ITCH: variants seen among roughly 807,000 people sequenced by gnomAD.
The protein encoded by ITCH is itchy E3 ubiquitin protein ligase.
Under a neutral mutation model 126.8 loss-of-function variants are expected in ITCH, and 28 were observed. The observed-to-expected ratio is 0.22, with a 90% CI of 0.16 to 0.30. ITCH has a LOEUF of 0.30. Among genes scored for constraint, ITCH ranks in the 10% least tolerant of loss-of-function variants. ITCH has a pLI of 1.00. For synonymous variants in ITCH, 342 were observed against 340.0 expected (o/e 1.01, Z -0.06); for missense variants, 631 against 1,032.4 (o/e 0.61, Z 5.33).
At chr20:34,393,974 G>T in intron 3 of ITCH, 93 bp downstream of exon 3, 1 of 1,209,142 alleles carries the variant, frequency 8.3e-7, no homozygotes, top group Non-Finnish European at 1.2e-6. Context: ...GCCCATGCCT[G>T]TAATCCCAGC....
chr20:34,458,376 A>G (rs568572874), intron 13 of ITCH, among the ~76,000 whole-genome samples: 1 of 152,310 alleles, frequency 6.6e-6, no homozygotes, highest in Non-Finnish European at 1.5e-5. Context: ...TTTGTTGCCC[A>G]GGCTGTTCTC....
intron 14 of ITCH, 24 bp downstream of exon 14, chr20:34,462,245 TTA>T: frequency 6.2e-7 from 1 of 1,609,832 alleles, no homozygotes; most frequent in Non-Finnish European, 8.5e-7. Flanking sequence ...ACATTGTAGA[TTA>T]AGAGTAAAAT....
At chr20:34,365,440 A>T (rs2037385090) in intron 1 of ITCH, among the ~76,000 whole-genome samples, 1 of 152,136 alleles carries the variant, frequency 6.6e-6, no homozygotes, top group Admixed American at 6.6e-5. Flanking sequence ...TTTGAGACGG[A>T]ATCTAACTTT....
At chr20:34,370,414 CTTTG>C (rs1334308313) in intron 2 of ITCH, among the ~76,000 whole-genome samples, 13 of 152,094 alleles carry the variant, frequency 8.5e-5, no homozygotes, top group African/African-American at 1.4e-4. Flanking sequence ...AATCCCAGCA[CTTTG>C]TTTGGGAGGC....
chr20:34,413,513 A>AT (rs1979353284), intron 5 of ITCH, among the ~76,000 whole-genome samples: 1 of 152,190 alleles, frequency 6.6e-6, no homozygotes, highest in African/African-American at 2.4e-5. Flanking sequence ...TGGAGATACT[A>AT]TTTTACATCA....
chr20:34,477,482 T>C (rs917679658), intron 16 of ITCH, among the ~76,000 whole-genome samples: 2 of 152,180 alleles, frequency 1.3e-5, no homozygotes, highest in Non-Finnish European at 2.9e-5. Context: ...TAAGCCGAGA[T>C]TGTGCCATTG....
chr20:34,379,286 A>G (rs562632366), intron 2 of ITCH, among the ~76,000 whole-genome samples: 3 of 152,320 alleles, frequency 2.0e-5, no homozygotes, highest in Admixed American at 1.3e-4. Flanking sequence ...AGGGACAAAG[A>G]AAATTAGGAA....
At chr20:34,463,472 T>C (rs1161962316) in intron 14 of ITCH, among the ~76,000 whole-genome samples, 2 of 152,336 alleles carry the variant, frequency 1.3e-5, no homozygotes, top group East Asian at 1.9e-4. Flanking sequence ...TTTGTATCTA[T>C]TGCTGGATTA....
At position 34,465,622 on chromosome 20, in the gene ITCH, C is replaced by T. The variant is rs183673084; in HGVS notation, c.1424+3401C>T. On this transcript the variant is annotated intron_variant, in intron 14 of 24. Transcript: ENST00000374864. ...GTTTTGTGGTTTTCAGTGTACGAGT[C>T]TTTTGCCTTCTTGATTAATTCCTAA... Among the ~76,000 whole-genome samples, 9 of 152,084 alleles carry T rather than the reference C, an allele frequency of 5.9e-5. No individual in the cohort carries two copies. In the East Asian group the frequency reaches 1.7e-3, roughly 29 times the overall value.
chr20:34,376,551 T>C (rs568050483), intron 2 of ITCH, among the ~76,000 whole-genome samples: 6 of 152,088 alleles, frequency 3.9e-5, no homozygotes, highest in Non-Finnish European at 7.4e-5. Context: ...TTAAGGCAGA[T>C]AGAAGGAGGG....
At chr20:34,497,007 T>C (rs1367632942) in intron 23 of ITCH, among the ~76,000 whole-genome samples, 1 of 151,718 alleles carries the variant, frequency 6.6e-6, no homozygotes, top group Non-Finnish European at 1.5e-5. Flanking sequence ...TGATTGTTCT[T>C]TTTTTTTGAG....
At chr20:34,405,270 C>G (rs930357761) in intron 3 of ITCH, among the ~76,000 whole-genome samples, 8 of 152,088 alleles carry the variant, frequency 5.3e-5, no homozygotes, top group African/African-American at 1.9e-4. Context: ...TTTGAGGGGC[C>G]GAGGCAAGTG....
chr20:34,364,646 C>T (rs912355432), intron 1 of ITCH, among the ~76,000 whole-genome samples: 5 of 145,220 alleles, frequency 3.4e-5, no homozygotes, highest in African/African-American at 7.8e-5. Flanking sequence ...TTTGGGAGGC[C>T]GAGGCGGGCA....
chr20:34,492,690 C>A (rs1054836065), intron 23 of ITCH, 93 bp downstream of exon 23: 2 of 823,538 alleles, frequency 2.4e-6, no homozygotes, highest in South Asian at 1.4e-5. Flanking sequence ...ACAACAAAGA[C>A]AGGGATAGCC....
intron 21 of ITCH, 62 bp from the exon 22 acceptor site, chr20:34,489,760 C>T (rs1989382292): frequency 1.8e-6 from 2 of 1,084,146 alleles, no homozygotes; most frequent in Admixed American, 1.7e-5. Flanking sequence ...TTAGTCTTTC[C>T]TATGTCCAGC....
chr20:34,375,696 ATTTTTTTTTTTTTTT>A (rs5841171), intron 2 of ITCH, among the ~76,000 whole-genome samples: 3,565 of 65,904 alleles, frequency 0.054, 110 homozygotes, highest in Non-Finnish European at 0.074. Context: ...GGTAGTTAAA[ATTTTTTTTTTTTTTT>A]TTTTTTTTTT....
intron 23 of ITCH, among the ~76,000 whole-genome samples, chr20:34,499,682 TTTTG>T (rs1448296237): frequency 3.3e-5 from 5 of 152,070 alleles, no homozygotes; most frequent in Admixed American, 6.6e-5. Context: ...TTAGCCTCAT[TTTTG>T]TTTATTTCTG....
In ITCH at chr20:34,489,672, A is replaced by G. The variant is rs999444909; in HGVS notation, c.2215-150A>G. 6 of 706,586 alleles carry G rather than the reference A, an allele frequency of 8.5e-6. No homozygotes were observed. The Admixed American group carries it at 1.3e-4, about 15-fold the overall frequency. 43.8% of individuals were successfully genotyped at this position (706,586 alleles called of 1,614,324 possible). ...CCGTGCATGGAACCTTGCCTTCATG[A>G]GCAATGTAGATATAATTCTTGATGT... On this transcript the variant is annotated intron_variant, in intron 21 of 24. Transcript: ENST00000374864.
intron 3 of ITCH, among the ~76,000 whole-genome samples, chr20:34,395,675 T>C (rs1379912665): frequency 6.6e-6 from 1 of 152,236 alleles, no homozygotes; most frequent in African/African-American, 2.4e-5. Context: ...TTGCCTATTC[T>C]GGATCTCGCA....
Sources: gnomAD v4.1 joint callset for allele counts (sites outside exome capture counted in the v4.1 genomes callset) on GRCh38, gnomAD v4.1.1 for gene constraint, MANE v1.5 for transcripts, NCBI Gene and HGNC (gene_info 2026-07-23, HGNC 2026-07-21) for gene names.